FYB2: variants seen among roughly 807,000 people sequenced by gnomAD.
FYB2 encodes FYN-binding protein 2.
Under a neutral mutation model 94.1 loss-of-function variants are expected in FYB2, and 103 were observed. The observed-to-expected ratio is 1.09, with a 90% confidence interval of 0.93 to 1.29. The LOEUF (loss-of-function observed/expected upper bound fraction) is 1.29, where lower values mean the gene tolerates loss of function less well. FYB2 is among the 50% of genes most tolerant of loss of function. The pLI is 0.00. For missense variants in FYB2, 896 were observed against 841.5 expected, an observed-to-expected ratio of 1.06 and a Z score of -0.80; for synonymous variants, 293 against 287.9, an observed-to-expected ratio of 1.02 and a Z score of -0.18.
intron 15 of FYB2, among the ~76,000 whole-genome samples, chr1:56,730,408 A>G: frequency 1.6e-5 from 1 of 60,982 alleles, no homozygotes; most frequent in South Asian, 8.2e-4. Context: ...GGGGAGGGGA[A>G]GGAGGAGAGG....
intron 4 of FYB2, among the ~76,000 whole-genome samples, chr1:56,770,851 C>T (rs889336186): frequency 6.6e-6 from 1 of 152,046 alleles, no homozygotes; most frequent in Non-Finnish European, 1.5e-5. Context: ...ACTGAAGAGT[C>T]AAATTGAATA....
intron 1 of FYB2, among the ~76,000 whole-genome samples, chr1:56,806,750 C>T (rs1474332262): frequency 7.1e-6 from 1 of 141,300 alleles, no homozygotes; most frequent in African/African-American, 2.6e-5. Context: ...TCAGCCAAAA[C>T]CAAAAAATGC....
chr1:56,718,824 C>CTCT lies in FYB2; in HGVS notation c.*844_*846dup, dbSNP rs1177107315. On this transcript the variant is annotated 3_prime_UTR_variant, in exon 20 of 20. Coordinates refer to ENST00000343433, the MANE Select transcript of FYB2 (RefSeq NM_001004303.5). ...TTAAATGCATATGTAGAATTTATTT[C>CTCT]TCTTATTGACATGCAGTGCACCTCA... is the stretch of plus-strand genomic sequence containing the variant. 6.6e-6 allele frequency: 1 copy of CTCT among 152,546 alleles called. No individual in the cohort carries two copies. The highest frequency in any genetic ancestry group is 2.4e-5 in the African/African-American group (1 of 41,428). 9.4% of individuals were successfully genotyped at this position (152,546 alleles called of 1,614,324 possible).
At chr1:56,757,469 G>A (rs1645360517) in intron 6 of FYB2, among the ~76,000 whole-genome samples, 1 of 121,228 alleles carries the variant, frequency 8.2e-6, no homozygotes, top group Non-Finnish European at 1.8e-5. Context: ...AGCTTACACA[G>A]TGCTTACATA....
At chr1:56,807,544 A>G (rs1646675657) in intron 1 of FYB2, among the ~76,000 whole-genome samples, 1 of 152,174 alleles carries the variant, frequency 6.6e-6, no homozygotes, top group Non-Finnish European at 1.5e-5. Context: ...TGGAGTGCCA[A>G]TCATTATCAT....
rs962254098 is a variant in FYB2, at chr1:56,792,747, T to G, written c.66A>C (p.Pro22=). The change falls in exon 2 of 20, where the codon CCA becomes CCC. Residue 22 remains proline (P), a synonymous_variant. Transcript: ENST00000343433. ...LRAKFQNLDA[P]PLPGPIKFPA... ...GGAATTTAATAGGTCCTGGAAGAGG[T>G]GGAGCATCAAGATTTTGAAATTTGG... The G allele has an allele frequency of 1.2e-6, 2 of 1,613,978 alleles. No homozygotes were observed. Among genetic ancestry groups the G allele is most frequent in the African/African-American group, 1.3e-5 (1 of 75,018 alleles).
intron 1 of FYB2, among the ~76,000 whole-genome samples, chr1:56,818,673 C>G (rs1173571994): frequency 2.6e-5 from 4 of 152,148 alleles, no homozygotes; most frequent in African/African-American, 4.8e-5. Context: ...GGATACTTTT[C>G]CATACATCTC....
chr1:56,719,470 A>AGAT lies in FYB2; in HGVS notation c.*198_*200dup, dbSNP rs1180359951. 15 of 526,070 alleles carry AGAT rather than the reference A, an allele frequency of 2.9e-5. No homozygotes were observed. Among genetic ancestry groups the AGAT allele is most frequent in the African/African-American group, 2.3e-4 (12 of 51,584 alleles). 32.6% of individuals were successfully genotyped at this position (526,070 alleles called of 1,614,324 possible). A position where few individuals can be genotyped will look rare whatever the true frequency, so the allele number is the denominator to read the frequency against. On this transcript the variant is annotated 3_prime_UTR_variant, in exon 20 of 20. Coordinates refer to ENST00000343433, the MANE Select transcript of FYB2 (RefSeq NM_001004303.5). The stretch of plus-strand genomic sequence containing the variant: ...AGTAGATACTGAAATAGACATTGAA[A>AGAT]GATAACCTTTTAGGAGTAAAACCAA...
At chr1:56,755,723 C>T (rs1645311926) in intron 7 of FYB2, among the ~76,000 whole-genome samples, 173 bp downstream of exon 7, 1 of 152,076 alleles carries the variant, frequency 6.6e-6, no homozygotes, top group South Asian at 2.1e-4. Flanking sequence ...GAGGGGGAGG[C>T]AAGGCAGGAT....
chr1:56,808,908 A>G (rs1388939350), intron 1 of FYB2, among the ~76,000 whole-genome samples: 3 of 152,206 alleles, frequency 2.0e-5, no homozygotes, highest in African/African-American at 7.2e-5. Context: ...TGCCTTCTTC[A>G]TTCATTAGCT....
chr1:56,770,288 C>T (rs747943670), intron 4 of FYB2, among the ~76,000 whole-genome samples: 20 of 152,126 alleles, frequency 1.3e-4, no homozygotes, highest in Non-Finnish European at 2.6e-4. Flanking sequence ...GTAGTACACA[C>T]CTCCACTCTT....
rs1388070399 is a variant in FYB2 at position 56,744,028 on chromosome 1, C to G, written c.1541G>C (p.Ser514Thr). ...LNYSSSLASS[S>T]EENRELYEDV... The stretch of plus-strand genomic sequence containing the variant: ...CAGAAATGTCTTCCTATACTTACCA[C>G]TACTTGAGGCAAGTGAGCTAGAGTA... Residue 514 changes from serine (S) to threonine (T), a missense_variant and splice_region_variant, in exon 11 of 20, where the codon AGT becomes ACT. By Grantham distance (58) the Ser-to-Thr change is moderately conservative. Coordinates refer to ENST00000343433, the MANE Select transcript of FYB2 (RefSeq NM_001004303.5). 1.9e-6 allele frequency: 3 copies of G among 1,612,258 alleles called. No individual in the cohort carries two copies. The highest frequency in any genetic ancestry group is 2.5e-6 in the Non-Finnish European group (3 of 1,179,154).
chr1:56,782,389 G>C (rs1186070748), intron 4 of FYB2, among the ~76,000 whole-genome samples: 1 of 151,904 alleles, frequency 6.6e-6, no homozygotes, highest in Non-Finnish European at 1.5e-5. Flanking sequence ...TTACAGTGTT[G>C]TTGTAATCAT....
At chr1:56,736,055 C>T (rs12143265) in intron 15 of FYB2, among the ~76,000 whole-genome samples, 18,127 of 152,058 alleles carry the variant, frequency 0.12, 1,174 homozygotes, top group East Asian at 0.23. Context: ...CAAAACATCA[C>T]TATCTACCTG....
At chr1:56,820,599 G>A (rs1646980578), upstream of FYB2, among the ~76,000 whole-genome samples, 1 of 152,214 alleles carries the variant, frequency 6.6e-6, no homozygotes, top group Non-Finnish European at 1.5e-5. Flanking sequence ...CCCCGCCTGA[G>A]GGCCATTTCC....
chr1:56,724,960 C>T (rs2100496488), intron 16 of FYB2, among the ~76,000 whole-genome samples: 1 of 152,110 alleles, frequency 6.6e-6, no homozygotes, highest in East Asian at 1.9e-4. Flanking sequence ...AGTTACCACT[C>T]TCACAGTTTC....
At chr1:56,801,602 C>G (rs767099567) in intron 1 of FYB2, among the ~76,000 whole-genome samples, 1 of 152,114 alleles carries the variant, frequency 6.6e-6, no homozygotes, top group Admixed American at 6.5e-5. Context: ...ATAAATGAAC[C>G]GTCTCCACCA....
intron 11 of FYB2, among the ~76,000 whole-genome samples, chr1:56,743,174 T>G (rs1174509359): frequency 6.6e-6 from 1 of 152,036 alleles, no homozygotes; most frequent in Non-Finnish European, 1.5e-5. Context: ...TTCTCCTAAT[T>G]GAAATTTTGT....
intron 9 of FYB2, among the ~76,000 whole-genome samples, chr1:56,748,178 C>T (rs1371712700): frequency 6.6e-6 from 1 of 151,930 alleles, no homozygotes; most frequent in African/African-American, 2.4e-5. Context: ...TCCAAAAATT[C>T]CCTCTCATTC....
Sources: allele counts gnomAD v4.1 joint callset (sites outside exome capture counted in the v4.1 genomes callset), GRCh38; gene constraint gnomAD v4.1.1; transcripts MANE v1.5; gene names NCBI Gene and HGNC (gene_info 2026-07-23, HGNC 2026-07-21).